The following ABI2 variants were observed in gnomAD, a reference collection of about 807,000 sequenced individuals.
The protein encoded by ABI2 is abl interactor 2.
In ABI2, 25 loss-of-function variants were observed where a neutral mutation model predicts 59.2. That is an observed-to-expected ratio of 0.42 (90% CI 0.31 to 0.59). The LOEUF (loss-of-function observed/expected upper bound fraction) is 0.59, where lower values mean the gene tolerates loss of function less well. ABI2 is among the 20% of genes least tolerant of loss of function. The probability of loss-of-function intolerance (pLI) is 0.14; values close to 1 mark genes in which losing one functional copy is unlikely to be tolerated. For synonymous variants in ABI2, 213 were observed against 235.5 expected (o/e 0.90, Z 0.87); for missense variants, 545 against 681.8 (o/e 0.80, Z 2.23).
chr2:203,422,778 TG>T (rs1297739957), intron 11 of ABI2, among the ~76,000 whole-genome samples: 2 of 152,282 alleles, frequency 1.3e-5, no homozygotes, highest in South Asian at 2.1e-4. Context: ...TTATTTTCAT[TG>T]AAACAGCATC....
chr2:203,408,364 T>C (rs1370942830), intron 9 of ABI2, among the ~76,000 whole-genome samples: 2 of 151,940 alleles, frequency 1.3e-5, no homozygotes, highest in Non-Finnish European at 2.9e-5. Flanking sequence ...GGTTTCACCA[T>C]GTTGGCCAGG....
rs1270535024 is a variant in ABI2 at position 203,431,819 on chromosome 2, T to C, written c.*4467T>C. On this transcript the variant is annotated 3_prime_UTR_variant, in exon 12 of 12. Transcript: ENST00000261018. ...CCAACAAAAAAAGCTTATTTTCACA[T>C]TAAAATGAAACCTCTTTTGCAACTT... 4 of 152,214 alleles carry C rather than the reference T, an allele frequency of 2.6e-5. No homozygotes were observed. Among genetic ancestry groups the C allele is most frequent in the Admixed American group, 1.3e-4 (2 of 15,282 alleles). The allele number at this position is 152,214 out of a possible 1,614,324, so 9.4% of individuals were successfully genotyped here. A position where few individuals can be genotyped will look rare whatever the true frequency, so the allele number is the denominator to read the frequency against.
At chr2:203,390,938 C>T in intron 4 of ABI2, 108 bp from the exon 5 acceptor site, 8 of 827,068 alleles carry the variant, frequency 9.7e-6, no homozygotes, top group Admixed American at 4.5e-5. Context: ...ATTTTTTTCC[C>T]TTTATTTAAA....
Position 203,384,284 on chromosome 2 carries a change from G to GTTTTTGTTTT in ABI2, c.480+2084_480+2093dup, listed in dbSNP as rs1559288751. Reference sequence around the variant, plus strand: ...GTTCCTGTTCCATACTCTTGTTTTTGTTTTTGTTTTTTTTTTTTTTTTTTT... The same window carrying GTTTTTGTTTT: ...GTTCCTGTTCCATACTCTTGTTTTTGTTTTTGTTTTTTTTTGTTTTTTTTTTTTTTTTTTT... On this transcript the variant is annotated intron_variant, in intron 4 of 11. Transcript: ENST00000261018. 4.5e-3 allele frequency among the ~76,000 whole-genome samples: 220 copies of GTTTTTGTTTT among 48,430 alleles called. 5 individuals carry two copies. Among genetic ancestry groups the GTTTTTGTTTT allele is most frequent in the African/African-American group, 7.6e-3 (78 of 10,268 alleles). The allele number at this position is 48,430 out of a possible 152,430, so 31.8% of individuals were successfully genotyped here. A position where few individuals can be genotyped will look rare whatever the true frequency, so the allele number is the denominator to read the frequency against.
rs770561196 is a variant in ABI2 at position 203,416,968 on chromosome 2, C to G, written c.1340C>G (p.Pro447Arg). Reference sequence around the variant, plus strand: ...GAACCAGTCTTTGATGAGTCTCCCCCACCTCCTCCTCCTCCAGAAGATTAC... The same window carrying G: ...GAACCAGTCTTTGATGAGTCTCCCCGACCTCCTCCTCCTCCAGAAGATTAC... ...VEEPVFDESPPPPPPPEDYEE... is the reference protein window; with the variant it reads ...VEEPVFDESPRPPPPPEDYEE... Residue 447 changes from proline (P) to arginine (R), a missense_variant, in exon 11 of 12, where the codon CCA becomes CGA. Transcript: ENST00000261018. 2 of 1,614,128 alleles carry G rather than the reference C, an allele frequency of 1.2e-6. No individual in the cohort carries two copies. Among genetic ancestry groups the G allele is most frequent in the Admixed American group, 3.3e-5 (2 of 60,020 alleles).
intron 4 of ABI2, chr2:203,383,415 C>T (rs982033009): frequency 9.1e-5 from 14 of 154,392 alleles, no homozygotes; most frequent in African/African-American, 3.4e-4. Flanking sequence ...CTGCTTTGGC[C>T]CTTTTACCCT....
At chr2:203,345,449 A>T (rs2082765202) in intron 1 of ABI2, among the ~76,000 whole-genome samples, 1 of 152,106 alleles carries the variant, frequency 6.6e-6, no homozygotes, top group Non-Finnish European at 1.5e-5. Flanking sequence ...CCAAGAACCC[A>T]CCGGAAGGAA....
rs936273763 is a variant in ABI2, at chr2:203,431,727, G to A, written c.*4375G>A. Reference sequence around the variant, plus strand: ...AAAAAAACAATTAAAACGAAACGGCGGGGCCTAGCTGTGTATAAATGATCC... The same window carrying A: ...AAAAAAACAATTAAAACGAAACGGCAGGGCCTAGCTGTGTATAAATGATCC... On this transcript the variant is annotated 3_prime_UTR_variant, in exon 12 of 12. Coordinates refer to ENST00000261018, the MANE Select transcript of ABI2 (RefSeq NM_001375670.1). 3 of 151,406 alleles carry A rather than the reference G, an allele frequency of 2.0e-5. No homozygotes were observed. Among genetic ancestry groups the A allele is most frequent in the South Asian group, 2.1e-4 (1 of 4,808 alleles). The allele number at this position is 151,406 out of a possible 1,614,324, so 9.4% of individuals were successfully genotyped here. A position where few individuals can be genotyped will look rare whatever the true frequency, so the allele number is the denominator to read the frequency against.
intron 1 of ABI2, among the ~76,000 whole-genome samples, chr2:203,331,299 G>A (rs1041657974): frequency 2.1e-5 from 3 of 143,146 alleles, no homozygotes; most frequent in Non-Finnish European, 4.6e-5. Context: ...GGACCCTGCA[G>A]TAGATGAAAG....
At chr2:203,425,303 A>G (rs150622219) in intron 11 of ABI2, among the ~76,000 whole-genome samples, 1 of 152,044 alleles carries the variant, frequency 6.6e-6, no homozygotes, top group Non-Finnish European at 1.5e-5. Context: ...AGCTCACTCA[A>G]GTGATTCTCT....
At chr2:203,352,062 G>A (rs986679312) in intron 1 of ABI2, among the ~76,000 whole-genome samples, 30 of 152,138 alleles carry the variant, frequency 2.0e-4, no homozygotes, top group African/African-American at 7.2e-4. Flanking sequence ...TTATAGAAGA[G>A]CAAAGGCAGA....
chr2:203,369,324 G>A (rs996608328), intron 2 of ABI2, among the ~76,000 whole-genome samples: 1 of 152,090 alleles, frequency 6.6e-6, no homozygotes, highest in African/African-American at 2.4e-5. Flanking sequence ...CTAAAAAGGA[G>A]GAACAAGTTT....
At chr2:203,342,650 G>C (rs1446963424) in intron 1 of ABI2, among the ~76,000 whole-genome samples, 1 of 151,708 alleles carries the variant, frequency 6.6e-6, no homozygotes, top group Non-Finnish European at 1.5e-5. Flanking sequence ...CGTGATCTCA[G>C]CTCACTGCAG....
chr2:203,382,904 C>T (rs2096230086), intron 4 of ABI2, among the ~76,000 whole-genome samples: 1 of 152,014 alleles, frequency 6.6e-6, no homozygotes, highest in Non-Finnish European at 1.5e-5. Context: ...TAATGTTTAA[C>T]AGAATATCAG....
At chr2:203,402,286 T>C (rs1377346925) in intron 8 of ABI2, among the ~76,000 whole-genome samples, 1 of 152,162 alleles carries the variant, frequency 6.6e-6, no homozygotes, top group African/African-American at 2.4e-5. Context: ...CTGCCTGCCT[T>C]GGCCTCCCAA....
intron 2 of ABI2, chr2:203,375,799 C>A (rs891958755): frequency 2.4e-5 from 7 of 286,092 alleles, no homozygotes; most frequent in Non-Finnish European, 4.5e-5. Context: ...TGCTGAAAAC[C>A]TTAGAATCTT....
chr2:203,345,623 G>C (rs550809997), intron 1 of ABI2, among the ~76,000 whole-genome samples: 2 of 152,060 alleles, frequency 1.3e-5, no homozygotes, highest in East Asian at 3.9e-4. Flanking sequence ...TGGCCAGTCT[G>C]GTCTCGAACT....
At chr2:203,364,091 CTTTT>C (rs75432257) in intron 1 of ABI2, among the ~76,000 whole-genome samples, 3 of 140,482 alleles carry the variant, frequency 2.1e-5, no homozygotes, top group African/African-American at 7.8e-5. Flanking sequence ...GTCCATTCAT[CTTTT>C]TTTTTTTTTT....
intron 6 of ABI2, chr2:203,395,086 T>G (rs1398420776): frequency 1.4e-6 from 1 of 709,640 alleles, no homozygotes; most frequent in Admixed American, 2.0e-5. Context: ...AGAGTTCAGT[T>G]GATCTGGAAA....
Sources: gnomAD v4.1 joint callset for allele counts (sites outside exome capture counted in the v4.1 genomes callset) on GRCh38, gnomAD v4.1.1 for gene constraint, MANE v1.5 for transcripts, NCBI Gene and HGNC (gene_info 2026-07-23, HGNC 2026-07-21) for gene names.